Variants in CDH3 observed in about 807,000 individuals in gnomAD.
CDH3 encodes cadherin 3.
In CDH3, 54 loss-of-function variants were observed where a neutral mutation model predicts 82.0. The ratio of observed to expected loss-of-function variants is 0.66; its 90% CI spans 0.53 to 0.83. CDH3 has a LOEUF of 0.83. Ranked by LOEUF, CDH3 falls within the 40% of genes least tolerant of loss-of-function variation. CDH3 has a pLI of 0.00. For missense variants in CDH3, 1,054 were observed against 1,084.6 expected, an observed-to-expected ratio of 0.97 and a Z score of 0.40; for synonymous variants, 446 against 437.9, an observed-to-expected ratio of 1.02 and a Z score of -0.23.
At chr16:68,696,268 A>C in intron 15 of CDH3, 1 of 347,348 alleles carries the variant, frequency 2.9e-6, no homozygotes, top group South Asian at 2.3e-5. Context: ...AAAATACAAA[A>C]ATTAGCCAGG....
chr16:68,672,353 G>T (rs978308878), intron 2 of CDH3, among the ~76,000 whole-genome samples: 1 of 152,056 alleles, frequency 6.6e-6, no homozygotes, highest in African/African-American at 2.4e-5. Context: ...CATAGTATAA[G>T]AACTTCCCTA....
intron 7 of CDH3, 112 bp from the exon 8 acceptor site, chr16:68,680,856 G>A: frequency 8.3e-7 from 1 of 1,210,970 alleles, no homozygotes; most frequent in Non-Finnish European, 1.2e-6. Flanking sequence ...GTTATGATAG[G>A]GAGAGATCCT....
At chr16:68,690,528 G>A (rs11866266) in intron 12 of CDH3, among the ~76,000 whole-genome samples, 5,677 of 152,154 alleles carry the variant, frequency 0.037, 221 homozygotes, top group African/African-American at 0.098. Flanking sequence ...CAGGAGAATC[G>A]CTTGAGCCCA....
chr16:68,688,760 A>G (rs528218749), intron 12 of CDH3, among the ~76,000 whole-genome samples: 1 of 152,282 alleles, frequency 6.6e-6, no homozygotes, highest in East Asian at 2.0e-4. Context: ...CTGAGATTAC[A>G]GATACCTGTC....
At chr16:68,677,848 A>G (rs1189200576) in intron 3 of CDH3, among the ~76,000 whole-genome samples, 1 of 152,150 alleles carries the variant, frequency 6.6e-6, no homozygotes, top group Non-Finnish European at 1.5e-5. Context: ...GTGCTGTAGT[A>G]TATTTCACTG....
At chr16:68,689,544 T>C (rs1237195435) in intron 12 of CDH3, among the ~76,000 whole-genome samples, 2 of 91,158 alleles carry the variant, frequency 2.2e-5, no homozygotes. Flanking sequence ...TCAGAAAAAT[T>C]AAAAAAAAAA....
At chr16:68,731,393 A>T (rs34288097), downstream of CDH3, among the ~76,000 whole-genome samples, 534 of 6,558 alleles carry the variant, frequency 0.081, 143 homozygotes, top group Middle Eastern at 0.2. Flanking sequence ...AAAAAAAAAA[A>T]AAATATATAT....
intron 11 of CDH3, chr16:68,686,809 C>A: frequency 3.9e-6 from 2 of 512,984 alleles, no homozygotes; most frequent in African/African-American, 3.8e-5. Flanking sequence ...TAACTAATGA[C>A]CAAAAAAAAT....
chr16:68,661,964 T>C (rs1020336376), intron 2 of CDH3, among the ~76,000 whole-genome samples: 1 of 152,272 alleles, frequency 6.6e-6, no homozygotes, highest in African/African-American at 2.4e-5. Flanking sequence ...GTGCTGGGAT[T>C]ACAGGCGTGA....
intron 5 of CDH3, 28 bp from the exon 6 acceptor site, chr16:68,678,734 G>T: frequency 6.2e-7 from 1 of 1,614,134 alleles, no homozygotes; most frequent in Non-Finnish European, 8.5e-7. Context: ...GTGGCACCGG[G>T]CTGACCCCAG....
At position 68,645,629 on chromosome 16, in the gene CDH3, G is replaced by A. The variant is rs959628636; in HGVS notation, c.46-7G>A. 7 of 1,540,440 alleles carry A rather than the reference G, an allele frequency of 4.5e-6. No individual in the cohort carries two copies. The highest frequency in any genetic ancestry group is 6.1e-6 in the Non-Finnish European group (7 of 1,146,086). ...CAGCCTCCTTCACTCTCTGCCCTCG[G>A]GCGCAGGTTTGCTGGCTGCAGTGCG... On this transcript the variant is annotated splice_region_variant and splice_polypyrimidine_tract_variant and intron_variant, in intron 1 of 15. Transcript: ENST00000264012.
Position 68,661,375 on chromosome 16 carries a change from A to C in CDH3, c.161-15010A>C, listed in dbSNP as rs371660131. On this transcript the variant is annotated intron_variant, in intron 2 of 15. Transcript: ENST00000264012. ...CCTCAGTTTTCTCATCTGTAAAATG[A>C]ATATAATAATGGGGATCTCATATGG... 4.1e-4 allele frequency among the ~76,000 whole-genome samples: 62 copies of C among 152,320 alleles called. 1 individual carries two copies. In the South Asian group the frequency reaches 0.013, roughly 32 times the overall value.
At chr16:68,708,407 CCAAAT>C (rs77887333) in intron 1 of CDH3, among the ~76,000 whole-genome samples, 84,053 of 151,334 alleles carry the variant, frequency 0.56, 23,635 homozygotes, top group Middle Eastern at 0.62. Flanking sequence ...AAGTTTCACT[CCAAAT>C]CAAACCACGT....
Position 68,685,206 on chromosome 16 carries a change from T to C in CDH3, c.1426T>C (p.Tyr476His). ...DPDKENQKIS[Y>H]RILRDPAGWL... ...CTCGTCTCAACTTTTCCTCTCCAGCTACCGCATCCTGAGAGACCCAGCAGG... is the reference window on the plus strand; with the variant it reads ...CTCGTCTCAACTTTTCCTCTCCAGCCACCGCATCCTGAGAGACCCAGCAGG... Residue 476 changes from tyrosine to histidine, a missense_variant and splice_region_variant, in exon 11 of 16, where the codon TAC becomes CAC. Coordinates refer to ENST00000264012, the MANE Select transcript of CDH3 (RefSeq NM_001793.6). The C allele has an allele frequency of 6.2e-7, 1 of 1,614,100 alleles. No homozygotes were observed. The highest frequency in any genetic ancestry group is 8.5e-7 in the Non-Finnish European group (1 of 1,180,018).
chr16:68,700,679 TAC>T (rs1446836750), downstream of CDH3, among the ~76,000 whole-genome samples: 1 of 152,198 alleles, frequency 6.6e-6, no homozygotes, highest in African/African-American at 2.4e-5. Flanking sequence ...GTGCCCGGCC[TAC>T]ACACACATTT....
intron 1 of CDH3, among the ~76,000 whole-genome samples, chr16:68,705,619 A>G (rs1239226629): frequency 6.6e-6 from 1 of 151,290 alleles, no homozygotes; most frequent in African/African-American, 2.4e-5. Flanking sequence ...ACGGAGTTTC[A>G]CTATGTTGGC....
chr16:68,691,008 TTTC>T (rs925154838), intron 12 of CDH3, among the ~76,000 whole-genome samples: 2 of 66,650 alleles, frequency 3.0e-5, no homozygotes, highest in Admixed American at 1.6e-4. Flanking sequence ...ATTCCTTTAC[TTTC>T]TTTTTTTTTT....
At chr16:68,721,530 G>C (rs553007493) in intron 1 of CDH3, among the ~76,000 whole-genome samples, 1 of 151,994 alleles carries the variant, frequency 6.6e-6, no homozygotes, top group Non-Finnish European at 1.5e-5. Flanking sequence ...CACCGCACCC[G>C]GCCACAGTTC....
At chr16:68,732,535 C>G in the CDH3 span, among the ~76,000 whole-genome samples, 1 of 152,182 alleles carries the variant, frequency 6.6e-6, no homozygotes, top group African/African-American at 2.4e-5. Context: ...GACAGGGTCT[C>G]TTATCTATCT....
Sources: gnomAD v4.1 joint callset for allele counts (sites outside exome capture counted in the v4.1 genomes callset) on GRCh38, gnomAD v4.1.1 for gene constraint, MANE v1.5 for transcripts, NCBI Gene and HGNC (gene_info 2026-07-23, HGNC 2026-07-21) for gene names.